The following SPATA31H1 variants were observed in gnomAD, a reference collection of about 807,000 sequenced individuals.
SPATA31H1 encodes SPATA31 subfamily H member 1.
the SPATA31H1 span, chr2:27,569,192 G>C: frequency 2.5e-6 from 1 of 398,962 alleles, no homozygotes; most frequent in East Asian, 3.6e-5. Flanking sequence ...AAGAATCTCT[G>C]GATTTGATAC....
At chr2:27,580,538 A>G in the SPATA31H1 span, 1 of 1,614,256 alleles carries the variant, frequency 6.2e-7, no homozygotes, top group Non-Finnish European at 8.5e-7. Flanking sequence ...CAGCCCATTT[A>G]AGAAGGAAGA....
chr2:27,572,317 A>G, the SPATA31H1 span: 1 of 398,506 alleles, frequency 2.5e-6, no homozygotes, highest in Non-Finnish European at 4.4e-6. Flanking sequence ...AAAGAGCTAG[A>G]GCTTGGAAGA....
chr2:27,539,281 G>A, the SPATA31H1 span, among the ~76,000 whole-genome samples: 383 of 150,220 alleles, frequency 2.5e-3, 4 homozygotes, highest in African/African-American at 9.1e-3. Flanking sequence ...CAGTGTTTGT[G>A]TCCCTGGGTA....
the SPATA31H1 span, among the ~76,000 whole-genome samples, chr2:27,556,202 G>A: frequency 6.7e-6 from 1 of 149,736 alleles, no homozygotes; most frequent in African/African-American, 2.5e-5. Flanking sequence ...CTTAAGTTTA[G>A]GTTTTCTTTG....
the SPATA31H1 span, among the ~76,000 whole-genome samples, chr2:27,555,393 C>A: frequency 1.3e-5 from 2 of 151,800 alleles, no homozygotes; most frequent in Non-Finnish European, 2.9e-5. Context: ...GTCTAAGAGC[C>A]ATGTGCTATG....
At chr2:27,577,352 G>A in the SPATA31H1 span, 1 of 1,614,056 alleles carries the variant, frequency 6.2e-7, no homozygotes, top group Non-Finnish European at 8.5e-7. The surrounding 1 kb of genome is among the most constrained non-coding windows in gnomAD (Gnocchi z 4.5). Flanking sequence ...AGCAAACTGT[G>A]GAATATGAAG....
the SPATA31H1 span, among the ~76,000 whole-genome samples, chr2:27,543,114 A>T: frequency 6.6e-6 from 1 of 151,826 alleles, no homozygotes; most frequent in African/African-American, 2.4e-5. Flanking sequence ...AACAAACATA[A>T]CACACACAAA....
At chr2:27,539,835 C>T in the SPATA31H1 span, among the ~76,000 whole-genome samples, 1 of 81,936 alleles carries the variant, frequency 1.2e-5, no homozygotes, top group Admixed American at 1.5e-4. Context: ...GCGCCCCTCA[C>T]CTCCCGGACC....
chr2:27,553,644 G>T, the SPATA31H1 span, among the ~76,000 whole-genome samples: 3 of 152,036 alleles, frequency 2.0e-5, no homozygotes, highest in African/African-American at 7.3e-5. Flanking sequence ...TTAGCTGGCC[G>T]GGCATGGTGG....
the SPATA31H1 span, chr2:27,579,726 T>A: frequency 6.2e-7 from 1 of 1,614,192 alleles, no homozygotes; most frequent in Non-Finnish European, 8.5e-7. Flanking sequence ...AAGTGAGGAC[T>A]CACAGAGTGA....
chr2:27,538,673 A>T, the SPATA31H1 span, among the ~76,000 whole-genome samples: 1 of 152,048 alleles, frequency 6.6e-6, no homozygotes, highest in African/African-American at 2.4e-5. Flanking sequence ...CTCTACTAAA[A>T]ATACTAAATT....
the SPATA31H1 span, chr2:27,574,406 G>A: frequency 1.6e-3 from 626 of 398,472 alleles, 7 homozygotes; most frequent in African/African-American, 0.012. Flanking sequence ...TGACCCTGGG[G>A]AGGAAGTTTC....
At chr2:27,546,360 T>A in the SPATA31H1 span, among the ~76,000 whole-genome samples, 1 of 152,030 alleles carries the variant, frequency 6.6e-6, no homozygotes, top group African/African-American at 2.4e-5. Flanking sequence ...CATCTCAAAT[T>A]ACTTTTTGTG....
the SPATA31H1 span, chr2:27,571,952 G>A: frequency 2.5e-6 from 1 of 398,358 alleles, no homozygotes; most frequent in South Asian, 1.3e-4. Flanking sequence ...AGCCTGAACA[G>A]GATGGTCAGA....
the SPATA31H1 span, among the ~76,000 whole-genome samples, chr2:27,547,071 T>C: frequency 1.3e-5 from 2 of 151,988 alleles, no homozygotes; most frequent in African/African-American, 4.8e-5. Flanking sequence ...GGACTCTCTG[T>C]TTTGTTACAT....
chr2:27,573,105 T>C, the SPATA31H1 span: 1 of 396,934 alleles, frequency 2.5e-6, no homozygotes, highest in Admixed American at 4.4e-5. Context: ...AGAGTTGAAA[T>C]CCTCCACAGA....
At chr2:27,581,892 C>T in the SPATA31H1 span, 1 of 1,611,446 alleles carries the variant, frequency 6.2e-7, no homozygotes, top group Admixed American at 1.7e-5. Context: ...TGAGAGAAGA[C>T]ATCGCAGTCC....
the SPATA31H1 span, chr2:27,582,070 C>T: frequency 6.2e-7 from 1 of 1,614,018 alleles, no homozygotes; most frequent in African/African-American, 1.3e-5. Flanking sequence ...TCTCACAGGT[C>T]CTTTGAGAGG....
chr2:27,573,693 A>C, the SPATA31H1 span: 1 of 398,526 alleles, frequency 2.5e-6, no homozygotes. Context: ...GTTGACCCCA[A>C]GACCACAGCT....
Sources: allele counts gnomAD v4.1 joint callset (sites outside exome capture counted in the v4.1 genomes callset), GRCh38; gene constraint gnomAD v4.1.1; non-coding constraint Gnocchi (gnomAD v3.1); transcripts MANE v1.5; gene names NCBI Gene and HGNC (gene_info 2026-07-23, HGNC 2026-07-21).